The following MDK variants were observed in gnomAD, a reference collection of about 807,000 sequenced individuals.
The protein encoded by MDK is amphiregulin-associated protein.
A neutral mutation model predicts 18.9 loss-of-function variants in MDK; 17 were observed. That is an observed-to-expected ratio of 0.90 (90% CI 0.62 to 1.35). MDK has a LOEUF of 1.35. MDK is among the 40% of genes most tolerant of loss of function. The probability of loss-of-function intolerance (pLI) is 0.00; values close to 1 mark genes in which losing one functional copy is unlikely to be tolerated. For missense variants in MDK, 180 were observed against 186.3 expected (o/e 0.97, Z 0.20); for synonymous variants, 86 against 74.3 (o/e 1.16, Z -0.81).
At chr11:46,381,014 A>T (rs2136534675), upstream of MDK, 1 of 152,372 alleles carries the variant, frequency 6.6e-6, no homozygotes, top group Admixed American at 6.5e-5. Context: ...GTTTCACCAA[A>T]TCCAGGCCTG....
Position 46,382,380 on chromosome 11 carries a change from G to C in MDK, c.163G>C (p.Gly55Arg), listed in dbSNP as rs942114318. 6.4e-7 allele frequency: 1 copy of C among 1,571,950 alleles called. No homozygotes were observed. The highest frequency in any genetic ancestry group is 8.6e-7 in the Non-Finnish European group (1 of 1,162,356). Residue 55 changes from glycine (G) to arginine (R), a missense_variant, in exon 3 of 5, where the codon GGT (glycine) becomes CGT (arginine). Coordinates refer to ENST00000395566, the MANE Select transcript of MDK (RefSeq NM_002391.6). ...CTPSSKDCGV[G>R]FREGTCGAQT... Reference sequence around the variant, plus strand: ...CCCCAGCAGCAAGGATTGCGGCGTGGGTTTCCGCGAGGGCACCTGCGGGGC... The same window carrying C: ...CCCCAGCAGCAAGGATTGCGGCGTGCGTTTCCGCGAGGGCACCTGCGGGGC...
At chr11:46,381,642 G>C (rs1945170795), upstream of MDK, 1 of 142,324 alleles carries the variant, frequency 7.0e-6, no homozygotes, top group Non-Finnish European at 1.6e-5. Context: ...GGTGGGGAGA[G>C]GGGGCGGGGG....
At chr11:46,383,832 C>T, downstream of MDK, 1 of 395,138 alleles carries the variant, frequency 2.5e-6, no homozygotes, top group Non-Finnish European at 4.9e-6. Flanking sequence ...TATATAAAAG[C>T]CCCTTCCCAA....
upstream of MDK, chr11:46,381,396 G>T (rs377526765): frequency 4.0e-3 from 607 of 153,062 alleles, 24 homozygotes; most frequent in South Asian, 0.07. Context: ...GGGGGCCGGT[G>T]TGCGCGGGCG....
chr11:46,382,793 C>T (rs1386092366), intron 4 of MDK, 45 bp downstream of exon 4: 188 of 588,620 alleles, frequency 3.2e-4, no homozygotes, highest in Non-Finnish European at 4.2e-4. Flanking sequence ...GGGGGCTGCC[C>T]CCCCCCCCCC....
At position 46,381,715 on chromosome 11, in the gene MDK, G is replaced by T. The variant is rs932044157; in HGVS notation, c.-45G>T. On this transcript the variant is annotated 5_prime_UTR_variant, in exon 1 of 5. Transcript: ENST00000395566. ...GGGGCCGCGGCGGCCGGAGCGGGACGGGCCCGGCGCGGGAGGGAGCGAAGC... is the reference window on the plus strand; with the variant it reads ...GGGGCCGCGGCGGCCGGAGCGGGACTGGCCCGGCGCGGGAGGGAGCGAAGC... 5.4e-4 allele frequency: 95 copies of T among 176,236 alleles called. No homozygotes were observed. Among genetic ancestry groups the T allele is most frequent in the African/African-American group, 2.2e-3 (91 of 42,084 alleles). The allele number at this position is 176,236 out of a possible 1,614,324, so 10.9% of individuals were successfully genotyped here.
At position 46,382,424 on chromosome 11, in the gene MDK, G is replaced by A; in HGVS notation, c.207G>A (p.Arg69=). The part of the protein sequence containing the change: ...GTCGAQTQRI[R]CRVPCNWKKE... ...GCGGGGCCCAGACCCAGCGCATCCG[G>A]TGCAGGGTGCCCTGCAACTGGAAGA... Residue 69 remains arginine, a synonymous_variant, in exon 3 of 5, where the codon CGG becomes CGA. Coordinates refer to ENST00000395566, the MANE Select transcript of MDK (RefSeq NM_002391.6). 6.5e-7 allele frequency: 1 copy of A among 1,533,934 alleles called. No homozygotes were observed. Among genetic ancestry groups the A allele is most frequent in the Non-Finnish European group, 8.8e-7 (1 of 1,140,544 alleles).
chr11:46,381,896 G>A, intron 1 of MDK, 138 bp downstream of exon 1: 2 of 709,440 alleles, frequency 2.8e-6, no homozygotes, highest in Non-Finnish European at 4.6e-6. Context: ...GTGCGTCCGG[G>A]CTAGCGGCGA....
At chr11:46,380,789 A>G (rs541295226), upstream of MDK, 229 of 151,850 alleles carry the variant, frequency 1.5e-3, 1 homozygote, top group Non-Finnish European at 2.5e-3. Flanking sequence ...ACAACAATGA[A>G]AGTGAAAGAG....
At chr11:46,382,499 G>T (rs552093574) in intron 3 of MDK, 38 bp downstream of exon 3, 290 of 1,530,126 alleles carry the variant, frequency 1.9e-4, no homozygotes, top group Non-Finnish European at 2.5e-4. Flanking sequence ...GAGACGGGGG[G>T]CACAGCCTCG....
In MDK at chr11:46,382,095, C is replaced by T. The variant is rs1443137490; in HGVS notation, c.38C>T (p.Ala13Val). 1 of 1,610,994 alleles carries T rather than the reference C, an allele frequency of 6.2e-7. No individual in the cohort carries two copies. The highest frequency in any genetic ancestry group is 8.5e-7 in the Non-Finnish European group (1 of 1,179,168). Residue 13 changes from alanine to valine, a missense_variant, in exon 2 of 5, where the codon GCC becomes GTC. By Grantham distance (64) the Ala-to-Val change is moderately conservative. Transcript: ENST00000395566. ...GGCTTCCTCCTCCTCACCCTCCTCG[C>T]CCTGCTGGCGCTCACCTCCGCGGTC... The part of the protein sequence containing the change: ...HRGFLLLTLL[A>V]LLALTSAVAK...
rs1053474123 is a variant in MDK, at chr11:46,382,075, C to T, written c.18C>T (p.Phe6=). The T allele has an allele frequency of 1.2e-5, 20 of 1,609,300 alleles. No homozygotes were observed. The highest frequency in any genetic ancestry group is 1.7e-4 in the Middle Eastern group (1 of 6,012). The stretch of plus-strand genomic sequence containing the variant: ...CCCTCAGGATGCAGCACCGAGGCTT[C>T]CTCCTCCTCACCCTCCTCGCCCTGC... MQHRG[F]LLLTLLALLA... The change falls in exon 2 of 5, where the codon TTC becomes TTT. Residue 6 remains phenylalanine, a synonymous_variant. Coordinates refer to ENST00000395566, the MANE Select transcript of MDK (RefSeq NM_002391.6).
chr11:46,382,864 C>T (rs1442996668), intron 4 of MDK, 116 bp downstream of exon 4: 1 of 1,178,850 alleles, frequency 8.5e-7, no homozygotes, highest in Non-Finnish European at 1.2e-6. Flanking sequence ...CCAGTGGCTT[C>T]CTGACATCGC....
rs375682194 is a variant in MDK, at chr11:46,382,574, G to T, written c.245-13G>T. 11 of 1,601,954 alleles carry T rather than the reference G, an allele frequency of 6.9e-6. No individual in the cohort carries two copies. In the East Asian group the frequency reaches 2.3e-4, roughly 33 times the overall value. ...GGGCCGCGCAGCGCTGACCTGGGCC[G>T]CTCTCTCGCCAGCCGACTGCAAGTA... is the stretch of plus-strand genomic sequence containing the variant. On this transcript the variant is annotated splice_polypyrimidine_tract_variant and intron_variant, in intron 3 of 4. Coordinates refer to ENST00000395566, the MANE Select transcript of MDK (RefSeq NM_002391.6).
At position 46,383,621 on chromosome 11, in the gene MDK, C is replaced by T; in HGVS notation, c.*127C>T. On this transcript the variant is annotated 3_prime_UTR_variant, in exon 5 of 5. Coordinates refer to ENST00000395566, the MANE Select transcript of MDK (RefSeq NM_002391.6). ...TGCTCGTTAGCTTTAATCAATCATG[C>T]CCTGCCTTGTCCCTCTCACTCCCCA... The T allele has an allele frequency of 1.1e-6, 1 of 877,350 alleles. No individual in the cohort carries two copies. The highest frequency in any genetic ancestry group is 1.8e-5 in the Admixed American group (1 of 56,120). The allele number at this position is 877,350 out of a possible 1,614,324, so 54.3% of individuals were successfully genotyped here. A position where few individuals can be genotyped will look rare whatever the true frequency, so the allele number is the denominator to read the frequency against.
rs1315551356 is a variant in MDK, at chr11:46,383,572, T to C, written c.*78T>C. ...CGCCCTCCCTCTCCCAGGCCCGAGA[T>C]GTGACCCACCAGTGCCTTCTGTCTG... On this transcript the variant is annotated 3_prime_UTR_variant, in exon 5 of 5. Coordinates refer to ENST00000395566, the MANE Select transcript of MDK (RefSeq NM_002391.6). 1 of 1,316,346 alleles carries C rather than the reference T, an allele frequency of 7.6e-7. No individual in the cohort carries two copies. The highest frequency in any genetic ancestry group is 1.1e-6 in the Non-Finnish European group (1 of 911,632). 81.5% of individuals were successfully genotyped at this position (1,316,346 alleles called of 1,614,324 possible). A position where few individuals can be genotyped will look rare whatever the true frequency, so the allele number is the denominator to read the frequency against.
At chr11:46,381,862 CCCCCGG>C (rs1945187678) in intron 1 of MDK, 104 bp downstream of exon 1, 1 of 585,840 alleles carries the variant, frequency 1.7e-6, no homozygotes, top group Non-Finnish European at 3.0e-6. Flanking sequence ...CTCGAGGCGT[CCCCCGG>C]GGAGTCGCCT....
At chr11:46,382,006 C>G in intron 1 of MDK, 51 bp from the exon 2 acceptor site, 1 of 1,544,296 alleles carries the variant, frequency 6.5e-7, no homozygotes. Context: ...CACGCGGCCC[C>G]CGGTGGGGAA....
chr11:46,382,790 G>GGGGGGGGGGCCCC (rs1945254785), intron 4 of MDK, 42 bp downstream of exon 4: 16 of 987,034 alleles, frequency 1.6e-5, no homozygotes, highest in Admixed American at 7.2e-5. Context: ...GCGGGGGGCT[G>GGGGGGGGGGCCCC]CCCCCCCCCC....
Sources: allele counts gnomAD v4.1 joint callset, GRCh38; gene constraint gnomAD v4.1.1; transcripts MANE v1.5; gene names NCBI Gene and HGNC (gene_info 2026-07-23, HGNC 2026-07-21).